Variants in ATR observed in about 807,000 individuals in gnomAD.
The protein encoded by ATR is ATR checkpoint kinase.
In ATR, 142 loss-of-function variants were observed where a neutral mutation model predicts 305.3. That is an observed-to-expected ratio of 0.47 (90% CI 0.41 to 0.53). ATR has a LOEUF of 0.53. Among genes scored for constraint, ATR ranks in the 20% least tolerant of loss-of-function variants. The pLI is 0.00. For synonymous variants in ATR, 1,050 were observed against 1,068.1 expected (o/e 0.98, Z 0.33); for missense variants, 2,135 against 3,133.1 (o/e 0.68, Z 7.60).
At chr3:142,460,792 T>C (rs980643410) in intron 42 of ATR, among the ~76,000 whole-genome samples, 17 of 152,192 alleles carry the variant, frequency 1.1e-4, no homozygotes, top group African/African-American at 4.1e-4. Flanking sequence ...AAACGTCTTA[T>C]TTTAAAACAA....
chr3:142,550,053 A>G (rs2034417367), intron 14 of ATR, 79 bp downstream of exon 14: 1 of 1,547,232 alleles, frequency 6.5e-7, no homozygotes, highest in Non-Finnish European at 8.9e-7. Flanking sequence ...CAATAATCTC[A>G]TATCAAAGTC....
At chr3:142,553,433 AAC>A (rs56873611) in intron 12 of ATR, 35 bp from the exon 13 acceptor site, 50,531 of 1,278,476 alleles carry the variant, frequency 0.04, 14 homozygotes, top group South Asian at 0.066. Context: ...TGAATACACA[AAC>A]ACACACACAC....
chr3:142,534,980 C>T (rs2108423610), intron 21 of ATR, 100 bp downstream of exon 21: 1 of 1,338,970 alleles, frequency 7.5e-7, no homozygotes, highest in Non-Finnish European at 1.0e-6. Context: ...AAAATTTCTT[C>T]TTTCACTAAA....
chr3:142,547,909 T>C lies in ATR; in HGVS notation c.3173A>G (p.Asn1058Ser), dbSNP rs2108451953. 6.2e-7 allele frequency: 1 copy of C among 1,613,908 alleles called. No individual in the cohort carries two copies. Among genetic ancestry groups the C allele is most frequent in the Non-Finnish European group, 8.5e-7 (1 of 1,179,916 alleles). Residue 1058 changes from asparagine to serine, a missense_variant and splice_region_variant, in exon 16 of 47, where the codon AAT becomes AGT. Asn to Ser is a conservative substitution (Grantham distance 46). Coordinates refer to ENST00000350721, the MANE Select transcript of ATR (RefSeq NM_001184.4). ...ELERALHYLK[N>S]ETEIELGSLL... Reference sequence around the variant, plus strand: ...GCTCCCCAGTTCAATTTCTGTTTCATTCTAACCCAAAGACATGTTAAAAAA... The same window carrying C: ...GCTCCCCAGTTCAATTTCTGTTTCACTCTAACCCAAAGACATGTTAAAAAA...
intron 32 of ATR, 31 bp from the exon 33 acceptor site, chr3:142,497,223 T>C (rs1468531158): frequency 6.2e-7 from 1 of 1,605,182 alleles, no homozygotes; most frequent in Non-Finnish European, 8.5e-7. Flanking sequence ...TGTTAAAATG[T>C]TATCATATTC....
rs753484521 is a variant in ATR, at chr3:142,468,075, T to C, written c.6553-7A>G. The C allele has an allele frequency of 1.9e-6, 3 of 1,611,514 alleles. No homozygotes were observed. Among genetic ancestry groups the C allele is most frequent in the Non-Finnish European group, 2.5e-6 (3 of 1,179,010 alleles). Reference sequence around the variant, plus strand: ...CACGCATGGGATAAGATGACTGTCATAAAAAAGAGTTAAATGTCATAAAAA... The same window carrying C: ...CACGCATGGGATAAGATGACTGTCACAAAAAAGAGTTAAATGTCATAAAAA... On this transcript the variant is annotated splice_region_variant and splice_polypyrimidine_tract_variant and intron_variant, in intron 38 of 46. Transcript: ENST00000350721.
At chr3:142,469,185 T>C (rs2071198311) in intron 38 of ATR, 152 bp downstream of exon 38, 1 of 583,882 alleles carries the variant, frequency 1.7e-6, no homozygotes, top group Non-Finnish European at 2.9e-6. Flanking sequence ...TATAATGCTA[T>C]AAATTTCTCT....
intron 35 of ATR, among the ~76,000 whole-genome samples, chr3:142,487,939 G>T (rs1353939344): frequency 1.3e-5 from 2 of 152,128 alleles, no homozygotes; most frequent in African/African-American, 4.8e-5. Flanking sequence ...AGACTATTTT[G>T]GTTATTCACA....
intron 23 of ATR, among the ~76,000 whole-genome samples, chr3:142,522,039 T>C (rs2033168824): frequency 6.6e-6 from 1 of 152,214 alleles, no homozygotes; most frequent in Admixed American, 6.5e-5. Context: ...AACTTCGTTG[T>C]CTGATTTTTT....
intron 36 of ATR, 127 bp downstream of exon 36, chr3:142,485,013 A>C: frequency 7.3e-7 from 1 of 1,362,340 alleles, no homozygotes; most frequent in South Asian, 1.3e-5. Context: ...ATCTTATCTA[A>C]GGTGATACAC....
At chr3:142,515,309 T>G (rs1197186220) in intron 25 of ATR, 86 bp downstream of exon 25, 5 of 1,520,930 alleles carry the variant, frequency 3.3e-6, no homozygotes, top group Non-Finnish European at 4.5e-6. Flanking sequence ...ACTTCAATGA[T>G]TATTGTGTGT....
At position 142,524,303 on chromosome 3, in the gene ATR, T is replaced by C. The variant is rs869312483; in HGVS notation, c.3946-104A>G. ...TATTAAGGAATATCTAACATAAATA[T>C]TGACAAAATTAAATTTCTGTATCTG... On this transcript the variant is annotated intron_variant, in intron 21 of 46. Coordinates refer to ENST00000350721, the MANE Select transcript of ATR (RefSeq NM_001184.4). 20 of 1,148,362 alleles carry C rather than the reference T, an allele frequency of 1.7e-5. No individual in the cohort carries two copies. The highest frequency in any genetic ancestry group is 2.5e-5 in the Non-Finnish European group (20 of 812,886). The allele number at this position is 1,148,362 out of a possible 1,614,324, so 71.1% of individuals were successfully genotyped here.
intron 46 of ATR, chr3:142,451,570 C>G: frequency 7.6e-7 from 1 of 1,317,464 alleles, no homozygotes; most frequent in Non-Finnish European, 9.9e-7. Flanking sequence ...TATGCTTCAT[C>G]CCAGCAGTTG....
chr3:142,544,678 A>G (rs2034202634), intron 16 of ATR, among the ~76,000 whole-genome samples: 1 of 150,640 alleles, frequency 6.6e-6, no homozygotes. Context: ...AGCATTTTGA[A>G]CTCCATAAGA....
intron 1 of ATR, among the ~76,000 whole-genome samples, chr3:142,570,916 C>T (rs1459856743): frequency 6.6e-6 from 1 of 152,124 alleles, no homozygotes; most frequent in African/African-American, 2.4e-5. Flanking sequence ...TGTATGAGAT[C>T]AAGAGGGCTT....
chr3:142,457,637 C>T lies in ATR; in HGVS notation c.7622G>A (p.Arg2541Lys). The stretch of plus-strand genomic sequence containing the variant: ...AGGCTCTCGCTGATCACGCATCAGC[C>T]TCATTGTAACTTCACATGCTCTTCG... ...LFRRACEVTM[R>K]LMRDQREPLM... The change falls in exon 45 of 47, where the codon AGG (arginine) becomes AAG (lysine). Residue 2541 changes from arginine to lysine, a missense_variant. By Grantham distance (26) the Arg-to-Lys change is conservative. Around this residue, in one of 9 missense-constraint regions of ATR, gnomAD observed 462 missense variants for 887.6 expected, o/e 0.52. Transcript: ENST00000350721. 6.2e-7 allele frequency: 1 copy of T among 1,614,024 alleles called. No homozygotes were observed. Among genetic ancestry groups the T allele is most frequent in the South Asian group, 1.1e-5 (1 of 91,074 alleles).
chr3:142,549,439 T>C (rs754704537), intron 15 of ATR, 40 bp downstream of exon 15: 1 of 1,359,390 alleles, frequency 7.4e-7, no homozygotes, highest in Non-Finnish European at 9.9e-7. Context: ...ATAATGCTAA[T>C]TTATATAAAA....
In ATR at chr3:142,496,363, T is replaced by G. The variant is rs904443343; in HGVS notation, c.5896A>C (p.Lys1966Gln). 1.3e-6 allele frequency: 2 copies of G among 1,516,726 alleles called. No homozygotes were observed. Among genetic ancestry groups the G allele is most frequent in the South Asian group, 1.1e-5 (1 of 89,022 alleles). The allele number at this position is 1,516,726 out of a possible 1,614,324, so 94.0% of individuals were successfully genotyped here. ...YVERAKWLWS[K>Q]GDVHQALIVL... is the part of the protein sequence containing the mutation. ...GATGACATTTCCCTGGCCATTACCT[T>G]GGACCAGAGCCACTTTGCCCTTTCC... The change falls in exon 34 of 47, where the codon AAG (lysine) becomes CAG (glutamine). Residue 1966 changes from lysine to glutamine, a missense_variant and splice_region_variant. By Grantham distance (53) the Lys-to-Gln change is moderately conservative (BLOSUM62 1). Coordinates refer to ENST00000350721, the MANE Select transcript of ATR (RefSeq NM_001184.4).
rs574835447 is a variant in ATR at position 142,451,508 on chromosome 3, T to C, written c.7761+1620A>G. The C allele has an allele frequency of 2.8e-6, 4 of 1,434,656 alleles. No homozygotes were observed. The African/African-American group carries it at 4.3e-5, about 16-fold the overall frequency. The allele number at this position is 1,434,656 out of a possible 1,614,324, so 88.9% of individuals were successfully genotyped here. A position where few individuals can be genotyped will look rare whatever the true frequency, so the allele number is the denominator to read the frequency against. On this transcript the variant is annotated intron_variant, in intron 46 of 46. Transcript: ENST00000350721. Reference sequence around the variant, plus strand: ...TACAAAAGAACACAGACTGGACCCATAGAAACAGAAAGAGAACACCAACAC... The same window carrying C: ...TACAAAAGAACACAGACTGGACCCACAGAAACAGAAAGAGAACACCAACAC...
Sources: allele counts gnomAD v4.1 joint callset (sites outside exome capture counted in the v4.1 genomes callset), GRCh38; gene constraint gnomAD v4.1.1; regional missense constraint gnomAD v4.1.1; transcripts MANE v1.5; gene names NCBI Gene and HGNC (gene_info 2026-07-23, HGNC 2026-07-21).